Variants in TRPC4 observed in about 807,000 individuals in gnomAD.
The protein encoded by TRPC4 is transient receptor potential cation channel subfamily C member 4.
TRPC4 carries 49 observed loss-of-function variants against 99.4 expected under a neutral mutation model. The ratio of observed to expected loss-of-function variants is 0.49; its 90% CI spans 0.39 to 0.63. The LOEUF (loss-of-function observed/expected upper bound fraction) is 0.63, where lower values mean the gene tolerates loss of function less well. Ranked by LOEUF, TRPC4 falls within the 20% of genes least tolerant of loss-of-function variation. The pLI, the probability that TRPC4 is intolerant of heterozygous loss-of-function variation, is 0.00. For synonymous variants in TRPC4, 454 were observed against 425.9 expected, an observed-to-expected ratio of 1.07 and a Z score of -0.81; for missense variants, 898 against 1,152.9, an observed-to-expected ratio of 0.78 and a Z score of 3.20.
At chr13:37,646,476 T>C (rs1361085962) in intron 8 of TRPC4, among the ~76,000 whole-genome samples, 1 of 152,206 alleles carries the variant, frequency 6.6e-6, no homozygotes, top group Non-Finnish European at 1.5e-5. Flanking sequence ...TATTGTATTA[T>C]AATAGCATCT....
At chr13:37,773,925 A>G (rs1292507946) in intron 2 of TRPC4, among the ~76,000 whole-genome samples, 1 of 151,826 alleles carries the variant, frequency 6.6e-6, no homozygotes, top group African/African-American at 2.4e-5. Context: ...GGAGAGTGGG[A>G]AATACATAAC....
chr13:37,640,666 C>G (rs1951688703), intron 8 of TRPC4, among the ~76,000 whole-genome samples: 1 of 152,112 alleles, frequency 6.6e-6, no homozygotes, highest in Non-Finnish European at 1.5e-5. Context: ...GGCTGGGCCA[C>G]CAGATGGAGG....
At position 37,803,827 on chromosome 13, in the gene TRPC4, A is replaced by G. The variant is rs573216353; in HGVS notation, c.-27-20467T>C. Reference sequence around the variant, plus strand: ...CAGGCAAAGGAAAGAGGCAGAGCCAAGGCTCCAAGGCTGGAAGGAACTTGG... The same window carrying G: ...CAGGCAAAGGAAAGAGGCAGAGCCAGGGCTCCAAGGCTGGAAGGAACTTGG... On this transcript the variant is annotated intron_variant, in intron 1 of 10. Coordinates refer to ENST00000379705, the MANE Select transcript of TRPC4 (RefSeq NM_016179.4). Among the ~76,000 whole-genome samples the G allele has an allele frequency of 2.6e-5, 4 of 152,082 alleles. No individual in the cohort carries two copies. In the South Asian group the frequency reaches 6.2e-4, roughly 24 times the overall value.
intron 1 of TRPC4, among the ~76,000 whole-genome samples, chr13:37,841,862 GACTCAACAATTAAATTAT>G (rs1319532935): frequency 6.6e-6 from 1 of 152,094 alleles, no homozygotes; most frequent in African/African-American, 2.4e-5. Flanking sequence ...ACTATCATGT[GACTCAACAATTAAATTAT>G]ACTCTGGACA....
At chr13:37,739,097 T>C (rs1955500498) in intron 3 of TRPC4, among the ~76,000 whole-genome samples, 1 of 151,936 alleles carries the variant, frequency 6.6e-6, no homozygotes, top group Non-Finnish European at 1.5e-5. Context: ...AAACAAATAA[T>C]GAAAAGAAAA....
chr13:37,840,917 T>C (rs2031387242), intron 1 of TRPC4, among the ~76,000 whole-genome samples: 1 of 152,074 alleles, frequency 6.6e-6, no homozygotes, highest in South Asian at 2.1e-4. Flanking sequence ...CTCTACAAAT[T>C]CAGTGTCATT....
intron 6 of TRPC4, among the ~76,000 whole-genome samples, chr13:37,658,738 T>A (rs568172362): frequency 6.6e-6 from 1 of 152,316 alleles, no homozygotes; most frequent in Non-Finnish European, 1.5e-5. Flanking sequence ...CTAAATATTT[T>A]GTGTTTTTTG....
At chr13:37,654,533 G>A (rs1012010037) in intron 7 of TRPC4, among the ~76,000 whole-genome samples, 3 of 152,112 alleles carry the variant, frequency 2.0e-5, no homozygotes, top group African/African-American at 7.2e-5. Context: ...AATAACTTGT[G>A]CTACGTTGTT....
intron 1 of TRPC4, among the ~76,000 whole-genome samples, chr13:37,809,868 C>T (rs1957627029): frequency 6.6e-6 from 1 of 152,054 alleles, no homozygotes; most frequent in Non-Finnish European, 1.5e-5. Flanking sequence ...ATATCAGATT[C>T]AGGCCTTTCG....
chr13:37,738,527 T>A (rs1955474347), intron 3 of TRPC4, among the ~76,000 whole-genome samples: 1 of 152,136 alleles, frequency 6.6e-6, no homozygotes, highest in African/African-American at 2.4e-5. Context: ...AGTTTGAAAC[T>A]TAAAAAGTTT....
intron 1 of TRPC4, among the ~76,000 whole-genome samples, chr13:37,821,703 G>T (rs9576372): frequency 2.0e-5 from 3 of 151,824 alleles, no homozygotes; most frequent in Non-Finnish European, 4.4e-5. Flanking sequence ...ACAACAGCAA[G>T]CAATGGGGAA....
intron 3 of TRPC4, among the ~76,000 whole-genome samples, chr13:37,694,443 A>G (rs949139300): frequency 1.3e-5 from 2 of 152,212 alleles, no homozygotes; most frequent in Non-Finnish European, 2.9e-5. Context: ...AAATCTCACT[A>G]CAGCATGGGG....
intron 1 of TRPC4, among the ~76,000 whole-genome samples, chr13:37,796,516 C>G (rs1051511512): frequency 6.6e-6 from 1 of 152,094 alleles, no homozygotes; most frequent in Non-Finnish European, 1.5e-5. Flanking sequence ...TTCTGCAATT[C>G]TCTAGTGATG....
chr13:37,865,539 C>T (rs1209998744), intron 1 of TRPC4, among the ~76,000 whole-genome samples: 2 of 151,568 alleles, frequency 1.3e-5, no homozygotes, highest in Non-Finnish European at 3.0e-5. Flanking sequence ...AGTAGCTTAT[C>T]TCTTGCTCTG....
chr13:37,707,016 A>G (rs1053920902), intron 3 of TRPC4, among the ~76,000 whole-genome samples: 3 of 152,148 alleles, frequency 2.0e-5, no homozygotes, highest in African/African-American at 7.2e-5. Context: ...TGTCTAATGA[A>G]AAAATGAAGT....
intron 10 of TRPC4, among the ~76,000 whole-genome samples, chr13:37,638,103 C>G (rs528108765): frequency 2.0e-5 from 3 of 152,042 alleles, no homozygotes; most frequent in Non-Finnish European, 4.4e-5. Flanking sequence ...AGGACCTTCC[C>G]CCTACATCTG....
chr13:37,674,161 T>A (rs1160089918), intron 5 of TRPC4, 67 bp downstream of exon 5: 1 of 1,375,920 alleles, frequency 7.3e-7, no homozygotes, highest in Non-Finnish European at 9.5e-7. Context: ...ATAAAATTAA[T>A]ATCAGTTGAA....
At chr13:37,665,840 C>CAAAAAAAAAAA (rs1168472231) in intron 5 of TRPC4, among the ~76,000 whole-genome samples, 1 of 71,020 alleles carries the variant, frequency 1.4e-5, no homozygotes. Context: ...TCAGCTGAGA[C>CAAAAAAAAAAA]AAAAAAAAAA....
chr13:37,653,355 T>C (rs1475899821), intron 7 of TRPC4, among the ~76,000 whole-genome samples: 3 of 151,690 alleles, frequency 2.0e-5, no homozygotes, highest in Non-Finnish European at 4.4e-5. Flanking sequence ...TTTCCTCTTT[T>C]TCATGGTTTA....
Sources: gnomAD v4.1 joint callset for allele counts (sites outside exome capture counted in the v4.1 genomes callset) on GRCh38, gnomAD v4.1.1 for gene constraint, MANE v1.5 for transcripts, NCBI Gene and HGNC (gene_info 2026-07-23, HGNC 2026-07-21) for gene names.